Variants in TLN2 observed in about 807,000 individuals in gnomAD.
TLN2 encodes talin-2.
Under a neutral mutation model 294.7 loss-of-function variants are expected in TLN2, and 118 were observed. That is an observed-to-expected ratio of 0.40 (90% CI 0.34 to 0.47). The LOEUF (loss-of-function observed/expected upper bound fraction) is 0.47, where lower values mean the gene tolerates loss of function less well. TLN2 is among the 20% of genes least tolerant of loss of function. The probability of loss-of-function intolerance (pLI) is 0.84; values close to 1 mark genes in which losing one functional copy is unlikely to be tolerated. For missense variants in TLN2, 3,083 were observed against 3,282.2 expected (o/e 0.94, Z 1.48); for synonymous variants, 1,431 against 1,304.5 (o/e 1.10, Z -2.09).
chr15:62,595,817 C>T (rs2046452000), intron 2 of TLN2, among the ~76,000 whole-genome samples: 1 of 152,114 alleles, frequency 6.6e-6, no homozygotes, highest in Non-Finnish European at 1.5e-5. Context: ...AAGACAAATA[C>T]CCGTGTTCTT....
At chr15:62,511,862 A>G (rs1217983992) in intron 1 of TLN2, among the ~76,000 whole-genome samples, 2 of 152,158 alleles carry the variant, frequency 1.3e-5, no homozygotes, top group African/African-American at 4.8e-5. Flanking sequence ...TCGGTGTTTA[A>G]CTTGCCTTCA....
chr15:62,733,618 C>G (rs942123057), intron 28 of TLN2, among the ~76,000 whole-genome samples: 1 of 152,072 alleles, frequency 6.6e-6, no homozygotes. Context: ...GCTATGTGGC[C>G]CAATACTGTC....
intron 52 of TLN2, among the ~76,000 whole-genome samples, chr15:62,812,011 CAATAAATAAATAAATA>C (rs59386081): frequency 1.8e-4 from 23 of 130,730 alleles, no homozygotes; most frequent in African/African-American, 6.2e-4. Flanking sequence ...GACTCCATCT[CAATAAATAAATAAATA>C]AATAAATAAA....
intron 1 of TLN2, among the ~76,000 whole-genome samples, chr15:62,452,267 G>T (rs935500780): frequency 6.6e-6 from 1 of 152,088 alleles, no homozygotes; most frequent in African/African-American, 2.4e-5. Flanking sequence ...TCCTCCCTCC[G>T]CCCTGGCTTT....
chr15:62,474,024 G>A lies in TLN2; in HGVS notation c.-238+83339G>A, dbSNP rs115823702. On this transcript the variant is annotated intron_variant, in intron 1 of 58. Transcript: ENST00000636159. ...CAGAAAAATCGCTTGAACCCCGGAG[G>A]CGGAAGTTGCAGTGAGCCCAGACAT... Among the ~76,000 whole-genome samples, 1,472 of 152,230 alleles carry A rather than the reference G, an allele frequency of 9.7e-3. 29 individuals carry two copies. The highest frequency in any genetic ancestry group is 0.032 in the African/African-American group (1,350 of 41,550).
Position 62,785,975 on chromosome 15 carries a change from C to T in TLN2, c.5736+2085C>T, listed in dbSNP as rs548365693. ...TTGGCCCTGCATTTGCAGCAGCTGA[C>T]GTTTTCATTAAGGTTTTCCTTTTCA... On this transcript the variant is annotated intron_variant, in intron 45 of 58. Coordinates refer to ENST00000636159, the MANE Select transcript of TLN2 (RefSeq NM_015059.3). Among the ~76,000 whole-genome samples, 59 of 152,284 alleles carry T rather than the reference C, an allele frequency of 3.9e-4. 1 individual carries two copies. The South Asian group carries it at 9.5e-3, about 25-fold the overall frequency.
intron 14 of TLN2, 59 bp downstream of exon 14, chr15:62,694,451 T>C (rs1024040305): frequency 8.9e-5 from 129 of 1,454,096 alleles, no homozygotes; most frequent in African/African-American, 1.4e-5. Context: ...AGGTTTCCTC[T>C]TGCCAGCTTG....
intron 1 of TLN2, among the ~76,000 whole-genome samples, chr15:62,449,030 G>A (rs764232809): frequency 1.3e-5 from 2 of 152,174 alleles, no homozygotes; most frequent in African/African-American, 4.8e-5. Context: ...GAGCTTTGAT[G>A]TGTAGTAAAA....
intron 26 of TLN2, among the ~76,000 whole-genome samples, chr15:62,724,166 G>C (rs1197093921): frequency 6.6e-6 from 1 of 152,056 alleles, no homozygotes; most frequent in African/African-American, 2.4e-5. Flanking sequence ...ATAGAAAAAA[G>C]AGTGCAGGCT....
At chr15:62,639,735 AGCC>A (rs1464002438) in intron 3 of TLN2, among the ~76,000 whole-genome samples, 55 of 151,302 alleles carry the variant, frequency 3.6e-4, no homozygotes, top group African/African-American at 1.2e-3. Flanking sequence ...AGACTAGGGG[AGCC>A]TCTCCACTCA....
chr15:62,494,920 C>T (rs549949910), intron 1 of TLN2, among the ~76,000 whole-genome samples: 1 of 152,256 alleles, frequency 6.6e-6, no homozygotes, highest in Admixed American at 6.5e-5. Context: ...GCTCCCCACA[C>T]AGCCCTCCTT....
intron 2 of TLN2, among the ~76,000 whole-genome samples, chr15:62,614,358 T>C (rs1476201940): frequency 6.6e-6 from 1 of 152,252 alleles, no homozygotes; most frequent in Non-Finnish European, 1.5e-5. Context: ...GATCAAATCC[T>C]CTGTGGCAGG....
intron 28 of TLN2, among the ~76,000 whole-genome samples, chr15:62,728,782 G>A (rs1395522416): frequency 6.6e-6 from 1 of 152,094 alleles, no homozygotes; most frequent in Non-Finnish European, 1.5e-5. Context: ...TTACTTACAT[G>A]TATTTCTTGT....
intron 1 of TLN2, among the ~76,000 whole-genome samples, chr15:62,481,824 G>C (rs975396583): frequency 6.8e-5 from 9 of 132,450 alleles, no homozygotes. Flanking sequence ...TTAAGACGGA[G>C]TCTCTCTCTC....
At chr15:62,594,441 CA>C (rs2046320833) in intron 2 of TLN2, among the ~76,000 whole-genome samples, 1 of 152,152 alleles carries the variant, frequency 6.6e-6, no homozygotes, top group Non-Finnish European at 1.5e-5. Context: ...CTCCTAGGCT[CA>C]AGTGATCCTC....
chr15:62,420,859 C>T (rs2034351529), intron 1 of TLN2, among the ~76,000 whole-genome samples: 1 of 152,150 alleles, frequency 6.6e-6, no homozygotes, highest in African/African-American at 2.4e-5. Flanking sequence ...CCTCAAATCT[C>T]TGTGATTTAG....
intron 1 of TLN2, among the ~76,000 whole-genome samples, chr15:62,576,537 A>C (rs991304477): frequency 6.7e-6 from 1 of 150,258 alleles, no homozygotes; most frequent in African/African-American, 2.4e-5. Context: ...AGAATTGCTG[A>C]TACTTGCCCC....
rs541080017 is a variant in TLN2, at chr15:62,568,276, G to A, written c.-237-21411G>A. 2.0e-5 allele frequency among the ~76,000 whole-genome samples: 3 copies of A among 152,236 alleles called. No homozygotes were observed. The South Asian group carries it at 6.2e-4, about 32-fold the overall frequency. On this transcript the variant is annotated intron_variant, in intron 1 of 58. Transcript: ENST00000636159. ...CTGGGCGAGGTAGAGTGGAGCCCGA[G>A]CAGGCAGAGGTGGAAGATTTGACTC...
chr15:62,496,023 G>C (rs1160742940), intron 1 of TLN2, among the ~76,000 whole-genome samples: 1 of 152,022 alleles, frequency 6.6e-6, no homozygotes, highest in Admixed American at 6.5e-5. Flanking sequence ...AAGCTAAACA[G>C]ATGATGATCA....
Sources: gnomAD v4.1 joint callset for allele counts (sites outside exome capture counted in the v4.1 genomes callset) on GRCh38, gnomAD v4.1.1 for gene constraint, MANE v1.5 for transcripts, NCBI Gene and HGNC (gene_info 2026-07-23, HGNC 2026-07-21) for gene names.